The following TRIQK variants were observed in gnomAD, a reference collection of about 807,000 sequenced individuals.
The protein encoded by TRIQK is triple QxxK/R motif containing.
Under a neutral mutation model 10.8 loss-of-function variants are expected in TRIQK, and 10 were observed. The ratio of observed to expected loss-of-function variants is 0.92; its 90% confidence interval spans 0.57 to 1.57. The LOEUF (loss-of-function observed/expected upper bound fraction) is 1.57, where lower values mean the gene tolerates loss of function less well. Ranked by LOEUF, TRIQK falls within the 40% of genes most tolerant of loss-of-function variation. The pLI is 0.00. For synonymous variants in TRIQK, 33 were observed against 33.7 expected, an observed-to-expected ratio of 0.98 and a Z score of 0.07; for missense variants, 107 against 97.7, an observed-to-expected ratio of 1.09 and a Z score of -0.40.
At chr8:92,925,474 A>G (rs1188778194) in intron 2 of TRIQK, among the ~76,000 whole-genome samples, 1 of 152,188 alleles carries the variant, frequency 6.6e-6, no homozygotes, top group East Asian at 1.9e-4. Flanking sequence ...TATTCATAAC[A>G]TATGTATCTG....
chr8:92,960,200 G>GTCTA (rs758941087), intron 1 of TRIQK, among the ~76,000 whole-genome samples: 217 of 151,706 alleles, frequency 1.4e-3, no homozygotes, highest in Middle Eastern at 0.01. Context: ...ACAACTATTT[G>GTCTA]TCTATCTATC....
intron 3 of TRIQK, among the ~76,000 whole-genome samples, chr8:92,892,939 T>C (rs939911830): frequency 1.3e-5 from 2 of 152,120 alleles, no homozygotes; most frequent in African/African-American, 2.4e-5. Flanking sequence ...GCCTCAAACA[T>C]AACAATATAA....
In TRIQK at chr8:92,891,948, A is replaced by T. The variant is rs772475348; in HGVS notation, c.147+41T>A. ...ATCCAGTTTTAGAAAATGAAATGGC[A>T]TGCACATATCAAATTTTAAAGTTAT... On this transcript the variant is annotated intron_variant, in intron 4 of 4. Transcript: ENST00000521988. 12 of 1,350,184 alleles carry T rather than the reference A, an allele frequency of 8.9e-6. No homozygotes were observed. In the South Asian group the frequency reaches 1.4e-4, roughly 16 times the overall value. The allele number at this position is 1,350,184 out of a possible 1,614,324, so 83.6% of individuals were successfully genotyped here. A position where few individuals can be genotyped will look rare whatever the true frequency, so the allele number is the denominator to read the frequency against.
chr8:92,901,511 T>A (rs1808937920), intron 3 of TRIQK, among the ~76,000 whole-genome samples: 1 of 152,090 alleles, frequency 6.6e-6, no homozygotes, highest in Non-Finnish European at 1.5e-5. Flanking sequence ...GATCATAGGG[T>A]TTTTGTCCTT....
chr8:92,914,701 C>T (rs965972792), intron 3 of TRIQK, among the ~76,000 whole-genome samples: 1 of 152,078 alleles, frequency 6.6e-6, no homozygotes, highest in Non-Finnish European at 1.5e-5. Context: ...GATAATGTCT[C>T]ACACGTGTTA....
At chr8:92,892,100 G>C in intron 3 of TRIQK, 26 bp from the exon 4 acceptor site, 1 of 1,376,190 alleles carries the variant, frequency 7.3e-7, no homozygotes, top group Non-Finnish European at 9.9e-7. Context: ...TTCAGACAAT[G>C]AGTTATGCTC....
chr8:93,007,842 G>A (rs890175595), intron 1 of TRIQK, among the ~76,000 whole-genome samples: 4 of 152,164 alleles, frequency 2.6e-5, no homozygotes, highest in Non-Finnish European at 5.9e-5. Context: ...ATAAGACAGA[G>A]GAAGCTAATC....
chr8:93,016,853 C>G (rs1323225794), intron 1 of TRIQK, among the ~76,000 whole-genome samples: 1 of 151,906 alleles, frequency 6.6e-6, no homozygotes. Context: ...AGATGTAAGG[C>G]TAGCAAAAGA....
intron 1 of TRIQK, among the ~76,000 whole-genome samples, chr8:93,010,927 A>T (rs1813325484): frequency 6.6e-6 from 1 of 152,142 alleles, no homozygotes; most frequent in Non-Finnish European, 1.5e-5. Flanking sequence ...TTGAAAGAAG[A>T]ATTTAACAAT....
intron 1 of TRIQK, 85 bp from the exon 2 acceptor site, chr8:92,954,649 A>G (rs2130682855): frequency 6.6e-6 from 1 of 152,082 alleles, no homozygotes; most frequent in Non-Finnish European, 1.5e-5. Context: ...TCACAGGGAA[A>G]TCATTTCCAA....
intron 1 of TRIQK, among the ~76,000 whole-genome samples, chr8:93,004,187 G>A (rs566047804): frequency 5.9e-5 from 9 of 152,264 alleles, no homozygotes; most frequent in East Asian, 1.9e-4. Context: ...ACTTCTTCAC[G>A]GACACCCAGG....
intron 1 of TRIQK, chr8:92,973,522 G>A (rs752534703): frequency 2.0e-5 from 3 of 152,090 alleles, no homozygotes; most frequent in Non-Finnish European, 2.9e-5. Context: ...TAAACAACGG[G>A]CCACACACTT....
intron 1 of TRIQK, among the ~76,000 whole-genome samples, chr8:92,991,948 G>A (rs1251139528): frequency 6.6e-6 from 1 of 152,062 alleles, no homozygotes; most frequent in East Asian, 1.9e-4. Flanking sequence ...AACTTACAAG[G>A]GATGGGAAGG....
intron 1 of TRIQK, among the ~76,000 whole-genome samples, chr8:92,956,966 A>G (rs1207453204): frequency 6.6e-6 from 1 of 151,870 alleles, no homozygotes; most frequent in Non-Finnish European, 1.5e-5. Context: ...TAAGCACATC[A>G]CATACCACAA....
At chr8:92,932,770 G>T (rs1000312987) in intron 2 of TRIQK, among the ~76,000 whole-genome samples, 3 of 151,920 alleles carry the variant, frequency 2.0e-5, no homozygotes, top group Admixed American at 2.0e-4. Flanking sequence ...ATAGCAGTAT[G>T]TACTCATAGA....
intron 1 of TRIQK, among the ~76,000 whole-genome samples, chr8:92,990,409 C>T (rs1813084295): frequency 6.6e-6 from 1 of 152,020 alleles, no homozygotes. Context: ...CTTGCCAAAC[C>T]TGTCTATATT....
intron 2 of TRIQK, among the ~76,000 whole-genome samples, chr8:92,930,695 CA>C (rs1311852014): frequency 2.0e-5 from 3 of 152,112 alleles, no homozygotes; most frequent in Non-Finnish European, 4.4e-5. Context: ...GACAAACCTT[CA>C]GACTGCTTTT....
At chr8:92,973,994 T>G (rs1415539009) in intron 1 of TRIQK, 1 of 152,354 alleles carries the variant, frequency 6.6e-6, no homozygotes, top group Non-Finnish European at 1.5e-5. Flanking sequence ...TTCTTCTGCC[T>G]GATCTGCTCA....
At chr8:92,999,953 C>A (rs563266789) in intron 1 of TRIQK, among the ~76,000 whole-genome samples, 7 of 152,020 alleles carry the variant, frequency 4.6e-5, no homozygotes, top group African/African-American at 1.7e-4. Flanking sequence ...TACTCAAATA[C>A]CCTCATTGAA....
Sources: allele counts gnomAD v4.1 joint callset (sites outside exome capture counted in the v4.1 genomes callset), GRCh38; gene constraint gnomAD v4.1.1; transcripts MANE v1.5; gene names NCBI Gene and HGNC (gene_info 2026-07-23, HGNC 2026-07-21).